Variants in NOX3 observed in about 807,000 individuals in gnomAD.
NOX3 encodes the protein NADPH oxidase catalytic subunit-like 3.
NOX3 carries 74 observed loss-of-function variants against 76.7 expected under a neutral mutation model. The ratio of observed to expected loss-of-function variants is 0.96; its 90% confidence interval spans 0.80 to 1.17. The LOEUF is 1.17. Among genes scored for constraint, NOX3 ranks in the 50% most tolerant of loss-of-function variants. The pLI, the probability that NOX3 is intolerant of heterozygous loss-of-function variation, is 0.00. For synonymous variants in NOX3, 263 were observed against 261.1 expected, an observed-to-expected ratio of 1.01 and a Z score of -0.07; for missense variants, 695 against 703.3, an observed-to-expected ratio of 0.99 and a Z score of 0.13.
At chr6:155,445,738 C>T (rs985816348) in intron 4 of NOX3, among the ~76,000 whole-genome samples, 10 of 151,552 alleles carry the variant, frequency 6.6e-5, no homozygotes, top group Non-Finnish European at 1.3e-4. Context: ...ACCTCAGCAC[C>T]AGTTTGTATT....
In NOX3 at chr6:155,411,295, G is replaced by A; in HGVS notation, c.1374C>T (p.Ser458=). 6.2e-7 allele frequency: 1 copy of A among 1,613,992 alleles called. No individual in the cohort carries two copies. Among genetic ancestry groups the A allele is most frequent in the Non-Finnish European group, 8.5e-7 (1 of 1,179,936 alleles). ...CCTGCTCACTCATCCGTGTTTCCAGGGAGAGTAAGAGATCAGCAAACCACT... is the reference window on the plus strand; with the variant it reads ...CCTGCTCACTCATCCGTGTTTCCAGAGAGAGTAAGAGATCAGCAAACCACT... The part of the protein sequence containing the change: ...AFEWFADLLL[S]LETRMSEQGK... Residue 458 remains serine (S), a synonymous_variant, in exon 11 of 14, where the codon TCC becomes TCT. Coordinates refer to ENST00000159060, the MANE Select transcript of NOX3 (RefSeq NM_015718.3).
At chr6:155,412,580 T>C (rs1776565927) in intron 10 of NOX3, among the ~76,000 whole-genome samples, 2 of 152,176 alleles carry the variant, frequency 1.3e-5, no homozygotes, top group South Asian at 2.1e-4. Context: ...AAATAATCCC[T>C]CAGTCTCTAA....
chr6:155,407,233 A>T lies in NOX3; in HGVS notation c.1477T>A (p.Trp493Arg). The T allele has an allele frequency of 6.2e-7, 1 of 1,614,048 alleles. No individual in the cohort carries two copies. The highest frequency in any genetic ancestry group is 8.5e-7 in the Non-Finnish European group (1 of 1,179,936). Residue 493 changes from tryptophan (W) to arginine (R), a missense_variant, in exon 12 of 14, where the codon TGG becomes AGG. Trp to Arg is a moderately radical substitution (Grantham distance 101, BLOSUM62 -3). Transcript: ENST00000159060. ...ENQALHIALH[W>R]DENTDVITGL... is the part of the protein sequence containing the mutation. ...GTAATCACGTCAGTATTTTCGTCCC[A>T]GTGTAAAGCTATGTGAAGAGCCTAA...
chr6:155,442,890 A>G (rs943290702), intron 5 of NOX3, among the ~76,000 whole-genome samples: 6 of 152,218 alleles, frequency 3.9e-5, no homozygotes, highest in African/African-American at 1.4e-4. Context: ...AAGACATCCA[A>G]TTTATAATCT....
At chr6:155,410,211 A>C (rs1374869999) in intron 11 of NOX3, among the ~76,000 whole-genome samples, 1 of 152,312 alleles carries the variant, frequency 6.6e-6, no homozygotes, top group East Asian at 1.9e-4. Context: ...TAAGACCATA[A>C]AAATTCATTA....
chr6:155,438,837 G>C (rs1482972033), intron 6 of NOX3, among the ~76,000 whole-genome samples: 3 of 152,248 alleles, frequency 2.0e-5, no homozygotes, highest in Non-Finnish European at 4.4e-5. Flanking sequence ...AGAATGAGGG[G>C]TGGAAGAGGG....
chr6:155,416,398 G>A (rs231943), intron 10 of NOX3, among the ~76,000 whole-genome samples: 6,303 of 152,206 alleles, frequency 0.041, 144 homozygotes, highest in African/African-American at 0.049. Context: ...TTTTTATTTT[G>A]TTTTTGTTAA....
At chr6:155,410,830 C>T (rs772731716) in intron 11 of NOX3, among the ~76,000 whole-genome samples, 4 of 152,188 alleles carry the variant, frequency 2.6e-5, no homozygotes, top group African/African-American at 4.8e-5. Flanking sequence ...TTTTGCTTAG[C>T]TCTGAACAGC....
At chr6:155,414,242 T>C (rs1179041412) in intron 10 of NOX3, among the ~76,000 whole-genome samples, 1 of 152,228 alleles carries the variant, frequency 6.6e-6, no homozygotes, top group Non-Finnish European at 1.5e-5. Flanking sequence ...TCTTTCATCT[T>C]TCTAATGGTG....
At chr6:155,409,680 A>T (rs1342943437) in intron 11 of NOX3, among the ~76,000 whole-genome samples, 1 of 152,144 alleles carries the variant, frequency 6.6e-6, no homozygotes, top group African/African-American at 2.4e-5. Flanking sequence ...TTCTTTCCCG[A>T]CAGAATGCAC....
chr6:155,436,671 G>A (rs895458624), intron 6 of NOX3, 124 bp from the exon 7 acceptor site: 3 of 956,190 alleles, frequency 3.1e-6, no homozygotes, highest in Non-Finnish European at 4.5e-6. Flanking sequence ...TCCAGTTCTT[G>A]AAACTCGGGC....
chr6:155,440,687 A>C (rs7754597), intron 5 of NOX3, among the ~76,000 whole-genome samples: 10,796 of 149,598 alleles, frequency 0.072, 1,123 homozygotes, highest in African/African-American at 0.24. Context: ...AAAAAACAAA[A>C]AAAAAAAAAA....
At chr6:155,421,619 A>G (rs1430607845) in intron 10 of NOX3, among the ~76,000 whole-genome samples, 3 of 152,172 alleles carry the variant, frequency 2.0e-5, no homozygotes, top group African/African-American at 7.2e-5. Flanking sequence ...GCTGGAGTGC[A>G]GTGGTGCGAT....
chr6:155,429,529 A>G (rs17086290), intron 8 of NOX3, among the ~76,000 whole-genome samples: 2,474 of 152,328 alleles, frequency 0.016, 52 homozygotes, highest in African/African-American at 0.053. Flanking sequence ...GTGAAAAACA[A>G]TCTTCAAACT....
intron 10 of NOX3, among the ~76,000 whole-genome samples, chr6:155,422,429 AT>A: frequency 6.6e-6 from 1 of 152,286 alleles, no homozygotes; most frequent in East Asian, 1.9e-4. Context: ...GCCTGTCCAT[AT>A]TTTACTGAGA....
At chr6:155,420,058 A>G (rs1776670079) in intron 10 of NOX3, among the ~76,000 whole-genome samples, 1 of 152,172 alleles carries the variant, frequency 6.6e-6, no homozygotes, top group African/African-American at 2.4e-5. Flanking sequence ...ATATCCAGAG[A>G]AGCTATGTTC....
chr6:155,437,768 A>T (rs1420588448), intron 6 of NOX3, among the ~76,000 whole-genome samples: 3 of 152,196 alleles, frequency 2.0e-5, no homozygotes, highest in African/African-American at 7.2e-5. Flanking sequence ...TATCTTTTAA[A>T]CATTTTAAAC....
intron 6 of NOX3, 62 bp downstream of exon 6, chr6:155,439,894 C>A: frequency 6.7e-7 from 1 of 1,490,188 alleles, no homozygotes; most frequent in Admixed American, 2.1e-5. Flanking sequence ...AAAGGACTTT[C>A]TAAGATTATT....
At chr6:155,436,658 A>T in intron 6 of NOX3, 111 bp from the exon 7 acceptor site, 1 of 1,081,276 alleles carries the variant, frequency 9.2e-7, no homozygotes, top group South Asian at 1.7e-5. Context: ...CTGAAATATC[A>T]CTTCCAGTTC....
Sources: gnomAD v4.1 joint callset for allele counts (sites outside exome capture counted in the v4.1 genomes callset) on GRCh38, gnomAD v4.1.1 for gene constraint, MANE v1.5 for transcripts, NCBI Gene and HGNC (gene_info 2026-07-23, HGNC 2026-07-21) for gene names.